Variants in STK3 observed in about 807,000 individuals in gnomAD.
STK3 encodes the protein serine/threonine kinase 3.
Under a neutral mutation model 58.0 loss-of-function variants are expected in STK3, and 41 were observed. The observed-to-expected ratio is 0.71, with a 90% CI of 0.55 to 0.92. The LOEUF (loss-of-function observed/expected upper bound fraction) is 0.92. Among genes scored for constraint, STK3 ranks in the 40% least tolerant of loss-of-function variants. The pLI is 0.00. For missense variants in STK3, 479 were observed against 602.7 expected (o/e 0.79, Z 2.15); for synonymous variants, 170 against 191.0 (o/e 0.89, Z 0.91).
chr8:98,858,897 T>TAAA (rs762055696), intron 3 of STK3, among the ~76,000 whole-genome samples: 1 of 80,498 alleles, frequency 1.2e-5, no homozygotes, highest in Non-Finnish European at 2.5e-5. Flanking sequence ...AGACTCCATC[T>TAAA]AAAAAAAAAA....
chr8:98,607,463 A>AT (rs1397001712), intron 6 of STK3, among the ~76,000 whole-genome samples: 3 of 152,168 alleles, frequency 2.0e-5, no homozygotes, highest in Non-Finnish European at 2.9e-5. Flanking sequence ...TGCATTCACA[A>AT]TTTTTTTGAA....
At chr8:98,825,994 G>C (rs1388678023), upstream of STK3, among the ~76,000 whole-genome samples, 1 of 150,434 alleles carries the variant, frequency 6.6e-6, no homozygotes, top group African/African-American at 2.4e-5. Flanking sequence ...GCCGCGGCGG[G>C]TGGGCGGGGC....
At chr8:98,734,657 A>G (rs1404704692) in intron 4 of STK3, among the ~76,000 whole-genome samples, 2 of 152,170 alleles carry the variant, frequency 1.3e-5, no homozygotes, top group Non-Finnish European at 1.5e-5. Context: ...AGAGTTATGC[A>G]TTTCTACTCT....
At chr8:98,839,052 G>C (rs1330954518) in intron 3 of STK3, among the ~76,000 whole-genome samples, 1 of 151,226 alleles carries the variant, frequency 6.6e-6, no homozygotes, top group Non-Finnish European at 1.5e-5. Context: ...TGATTTTTGG[G>C]GGGGGGCGGT....
intron 6 of STK3, among the ~76,000 whole-genome samples, chr8:98,688,522 C>T (rs1824172380): frequency 6.6e-6 from 1 of 152,018 alleles, no homozygotes. Flanking sequence ...CCTGCTCAGT[C>T]ATAAAGGAAG....
At chr8:98,642,073 T>C (rs553449724) in intron 6 of STK3, among the ~76,000 whole-genome samples, 3 of 152,334 alleles carry the variant, frequency 2.0e-5, no homozygotes, top group African/African-American at 7.2e-5. Flanking sequence ...AAAAATTAAC[T>C]TGTATACACT....
chr8:98,874,485 C>A (rs1369335544), intron 3 of STK3, among the ~76,000 whole-genome samples: 6 of 152,116 alleles, frequency 3.9e-5, no homozygotes, highest in African/African-American at 1.4e-4. Flanking sequence ...GTTACGGCAG[C>A]CACAGGAAAC....
At chr8:98,940,652 T>G (rs534362746) in intron 1 of STK3, among the ~76,000 whole-genome samples, 183 of 152,266 alleles carry the variant, frequency 1.2e-3, no homozygotes, top group African/African-American at 3.7e-3. Flanking sequence ...CGCGGTCCCC[T>G]GGGAAACCCC....
intron 6 of STK3, among the ~76,000 whole-genome samples, chr8:98,699,843 C>T (rs1264875632): frequency 6.6e-6 from 1 of 152,222 alleles, no homozygotes; most frequent in Non-Finnish European, 1.5e-5. Flanking sequence ...GGCAGTCTGC[C>T]CATTCTCAGA....
chr8:98,449,334 C>A (rs905673523), intron 1 of STK3, among the ~76,000 whole-genome samples: 7 of 152,074 alleles, frequency 4.6e-5, no homozygotes, highest in Non-Finnish European at 1.5e-5. Context: ...AGAACCCATG[C>A]CTCCAGATAG....
intron 4 of STK3, among the ~76,000 whole-genome samples, chr8:98,731,421 T>C (rs1385212074): frequency 6.6e-6 from 1 of 152,094 alleles, no homozygotes; most frequent in Admixed American, 6.5e-5. Context: ...AGGGTTCCTC[T>C]CTAAAGAAAT....
chr8:98,805,636 C>T (rs192028873), intron 1 of STK3, among the ~76,000 whole-genome samples: 1 of 152,048 alleles, frequency 6.6e-6, no homozygotes, highest in African/African-American at 2.4e-5. Context: ...AGTGTGCAGT[C>T]ACTTGTATGT....
At chr8:98,577,561 A>G (rs1813511538) in intron 8 of STK3, among the ~76,000 whole-genome samples, 1 of 152,158 alleles carries the variant, frequency 6.6e-6, no homozygotes, top group South Asian at 2.1e-4. Context: ...AGACTACAAC[A>G]TAAAAGACAG....
chr8:98,757,449 G>T (rs1830359373), intron 3 of STK3, among the ~76,000 whole-genome samples: 1 of 150,334 alleles, frequency 6.7e-6, no homozygotes, highest in Non-Finnish European at 1.5e-5. Context: ...TAAAAAATTA[G>T]CCGGGCCTGG....
chr8:98,406,270 ATTTTATTTTAT>A (rs1403572452), intron 3 of STK3, among the ~76,000 whole-genome samples: 13 of 111,668 alleles, frequency 1.2e-4, no homozygotes, highest in African/African-American at 3.7e-4. Context: ...ATTTTATTTT[ATTTTATTTTAT>A]TTTATTTTAT....
chr8:98,789,860 C>G (rs1209306586), intron 1 of STK3, among the ~76,000 whole-genome samples: 3 of 152,000 alleles, frequency 2.0e-5, no homozygotes, highest in African/African-American at 7.2e-5. Context: ...AACCCTGTCT[C>G]TACTTAAAAT....
chr8:98,800,970 C>T lies in STK3; in HGVS notation c.26+24545G>A, dbSNP rs183452496. 8.6e-3 allele frequency among the ~76,000 whole-genome samples: 1,314 copies of T among 152,368 alleles called. 10 individuals are homozygous for T. The highest frequency in any genetic ancestry group is 0.03 in the African/African-American group (1,238 of 41,590). On this transcript the variant is annotated intron_variant, in intron 1 of 10. Transcript: ENST00000419617. This position sits in a 1 kb window ranked among gnomAD's most constrained non-coding sequence, Gnocchi z 4.8. ...TAAACCGCCCAAGGGCTGAGGAGTG[C>T]AGGCGCACAGTGCGGGACTGGCAGG...
intron 4 of STK3, among the ~76,000 whole-genome samples, chr8:98,728,097 A>G (rs1236922459): frequency 6.6e-6 from 1 of 152,202 alleles, no homozygotes; most frequent in Admixed American, 6.5e-5. Flanking sequence ...TAGGATAAAG[A>G]ATACACACAT....
At chr8:98,741,914 A>G (rs1829246766) in intron 4 of STK3, among the ~76,000 whole-genome samples, 2 of 152,236 alleles carry the variant, frequency 1.3e-5, no homozygotes, top group Admixed American at 1.3e-4. Context: ...GACCGATCCC[A>G]CAGAAATACA....
Sources: allele counts gnomAD v4.1 joint callset (sites outside exome capture counted in the v4.1 genomes callset), GRCh38; gene constraint gnomAD v4.1.1; non-coding constraint Gnocchi (gnomAD v3.1); transcripts MANE v1.5; gene names NCBI Gene and HGNC (gene_info 2026-07-23, HGNC 2026-07-21).